The following ELP2 variants were observed in gnomAD, a reference collection of about 807,000 sequenced individuals.
ELP2 encodes the protein elongator acetyltransferase complex subunit 2, also known as elongator complex protein 2.
A neutral mutation model predicts 119.2 loss-of-function variants in ELP2; 90 were observed. The ratio of observed to expected loss-of-function variants is 0.75; its 90% CI spans 0.64 to 0.90. The LOEUF is 0.90. ELP2 is among the 40% of genes least tolerant of loss of function. The pLI is 0.00. For synonymous variants in ELP2, 339 were observed against 331.0 expected, an observed-to-expected ratio of 1.02 and a Z score of -0.26; for missense variants, 921 against 967.8, an observed-to-expected ratio of 0.95 and a Z score of 0.64.
intron 11 of ELP2, among the ~76,000 whole-genome samples, chr18:36,150,991 C>A (rs2090378843): frequency 6.6e-6 from 1 of 152,022 alleles, no homozygotes; most frequent in Admixed American, 6.5e-5. Flanking sequence ...AGGGTTGAGC[C>A]AAAGGACTCC....
intron 14 of ELP2, 108 bp from the exon 15 acceptor site, chr18:36,159,627 G>A: frequency 2.4e-6 from 2 of 833,076 alleles, no homozygotes; most frequent in Non-Finnish European, 4.1e-6. Context: ...GCTGTGAATT[G>A]CACCACTTTG....
intron 16 of ELP2, 114 bp downstream of exon 16, chr18:36,160,129 C>T: frequency 1.1e-6 from 1 of 930,448 alleles, no homozygotes; most frequent in Admixed American, 1.9e-5. Flanking sequence ...CCTTTTTCCT[C>T]CTCTTCTATA....
intron 20 of ELP2, 124 bp downstream of exon 20, chr18:36,170,320 T>C: frequency 1.5e-6 from 2 of 1,320,668 alleles, no homozygotes; most frequent in Admixed American, 4.2e-5. Flanking sequence ...TCTTTTTTTT[T>C]TTTTGTTTTG....
At chr18:36,160,117 T>A in intron 16 of ELP2, 102 bp downstream of exon 16, 1 of 1,101,858 alleles carries the variant, frequency 9.1e-7, no homozygotes, top group Non-Finnish European at 1.4e-6. Flanking sequence ...TCCTTCTACC[T>A]ACCTTTTTCC....
intron 9 of ELP2, 135 bp from the exon 10 acceptor site, chr18:36,145,813 T>C (rs996897489): frequency 1.2e-5 from 9 of 781,574 alleles, no homozygotes; most frequent in Non-Finnish European, 1.8e-5. Context: ...ATTTGTGGTG[T>C]TTGCAATTTT....
Position 36,142,809 on chromosome 18 carries a change from A to G in ELP2, c.656-17A>G, listed in dbSNP as rs780113759. 2.3e-5 allele frequency: 35 copies of G among 1,552,174 alleles called. No homozygotes were observed. Among genetic ancestry groups the G allele is most frequent in the Non-Finnish European group, 2.9e-5 (33 of 1,130,702 alleles). On this transcript the variant is annotated splice_polypyrimidine_tract_variant and intron_variant, in intron 7 of 21. Transcript: ENST00000358232. ...AATATAATGTTTTAAAATTAATACA[A>G]CTTATTTTTTAATTAGGTAGAGATC...
At chr18:36,169,380 G>T (rs2091007591) in intron 19 of ELP2, among the ~76,000 whole-genome samples, 1 of 130,098 alleles carries the variant, frequency 7.7e-6, no homozygotes, top group Non-Finnish European at 1.6e-5. Context: ...CTAGAAAGCT[G>T]ATAAGTTCTT....
intron 11 of ELP2, among the ~76,000 whole-genome samples, chr18:36,150,210 T>G (rs550841843): frequency 6.6e-6 from 1 of 152,294 alleles, no homozygotes; most frequent in East Asian, 1.9e-4. Context: ...AGCAGTTCTT[T>G]CTGGCATTAT....
chr18:36,153,159 G>A (rs2090456184), intron 11 of ELP2, among the ~76,000 whole-genome samples: 1 of 152,116 alleles, frequency 6.6e-6, no homozygotes, highest in African/African-American at 2.4e-5. Flanking sequence ...TTGAATTTTG[G>A]ATTGAATATT....
At chr18:36,131,113 G>A (rs1177744981) in intron 1 of ELP2, among the ~76,000 whole-genome samples, 1 of 152,182 alleles carries the variant, frequency 6.6e-6, no homozygotes, top group Non-Finnish European at 1.5e-5. Context: ...GTTTGAGGCT[G>A]CAGTGGACGG....
At chr18:36,161,150 A>G in intron 17 of ELP2, 146 bp downstream of exon 17, 1 of 689,044 alleles carries the variant, frequency 1.5e-6, no homozygotes, top group Admixed American at 2.2e-5. Context: ...AATTTCTCTT[A>G]CCCTTCTGTC....
At chr18:36,148,087 G>A (rs2090269567) in intron 11 of ELP2, among the ~76,000 whole-genome samples, 1 of 141,490 alleles carries the variant, frequency 7.1e-6, no homozygotes. Context: ...CCCTCTCATG[G>A]TCAGGTTTTT....
At chr18:36,150,728 C>G (rs1454450518) in intron 11 of ELP2, among the ~76,000 whole-genome samples, 3 of 152,150 alleles carry the variant, frequency 2.0e-5, no homozygotes, top group African/African-American at 7.2e-5. Context: ...GTTAATATTG[C>G]TTGAAGGTCA....
rs530055392 is a variant in ELP2 at position 36,148,980 on chromosome 18, A to G, written c.1125+2599A>G. On this transcript the variant is annotated intron_variant, in intron 11 of 21. Transcript: ENST00000358232. ...CACTCAGGTTTGCAGATTTCCTTCA[A>G]TCTTGTCAGGTTTCAGAAGGAGTAG... Among the ~76,000 whole-genome samples, 6 of 152,346 alleles carry G rather than the reference A, an allele frequency of 3.9e-5. No individual in the cohort carries two copies. The South Asian group carries it at 8.3e-4, about 21-fold the overall frequency.
Position 36,174,752 on chromosome 18 carries a change from TGAGATGGAGTCTTGC to T in ELP2, c.*112_*126del. Reference sequence around the variant, plus strand: ...TGAGTTTCTGGGTTTTTTTTTTTTTTGAGATGGAGTCTTGCTTTGTCACAACCTCCACCTCCCAGG... The same window carrying T: ...TGAGTTTCTGGGTTTTTTTTTTTTTTTTTGTCACAACCTCCACCTCCCAGG... On this transcript the variant is annotated 3_prime_UTR_variant, in exon 22 of 22. Transcript: ENST00000358232. 1 of 1,033,156 alleles carries T rather than the reference TGAGATGGAGTCTTGC, an allele frequency of 9.7e-7. No individual in the cohort carries two copies. The highest frequency in any genetic ancestry group is 1.4e-6 in the Non-Finnish European group (1 of 699,320). The allele number at this position is 1,033,156 out of a possible 1,614,324, so 64.0% of individuals were successfully genotyped here.
intron 17 of ELP2, among the ~76,000 whole-genome samples, chr18:36,162,837 A>G (rs1037955155): frequency 1.3e-5 from 2 of 152,228 alleles, no homozygotes; most frequent in African/African-American, 2.4e-5. Context: ...ATTTTTATCC[A>G]TATGAAAATA....
In ELP2 at chr18:36,149,471, G is replaced by GTTT. The variant is rs1457178336; in HGVS notation, c.1125+3094_1125+3096dup. Among the ~76,000 whole-genome samples, 179 of 66,904 alleles carry GTTT rather than the reference G, an allele frequency of 2.7e-3. 2 individuals carry two copies. The highest frequency in any genetic ancestry group is 7.2e-3 in the African/African-American group (166 of 22,946). 43.9% of individuals were successfully genotyped at this position (66,904 alleles called of 152,430 possible). On this transcript the variant is annotated intron_variant, in intron 11 of 21. Transcript: ENST00000358232. ...CAAGACTTAGAAACATAGTTGCAGG[G>GTTT]TTTTTTGTTTTGTTTTGTTTTTTTT...
At position 36,148,526 on chromosome 18, in the gene ELP2, C is replaced by T. The variant is rs755924357; in HGVS notation, c.1125+2145C>T. 2.6e-5 allele frequency among the ~76,000 whole-genome samples: 4 copies of T among 152,218 alleles called. No homozygotes were observed. In the East Asian group the frequency reaches 7.7e-4, roughly 29 times the overall value. ...TCAGAGAAAACCAGTGTACTTAACACCTCAGGCCATGGATCCCTCAGGCCA... is the reference window on the plus strand; with the variant it reads ...TCAGAGAAAACCAGTGTACTTAACATCTCAGGCCATGGATCCCTCAGGCCA... On this transcript the variant is annotated intron_variant, in intron 11 of 21. Transcript: ENST00000358232.
intron 3 of ELP2, among the ~76,000 whole-genome samples, chr18:36,137,770 T>G (rs1333632278): frequency 6.8e-6 from 1 of 146,880 alleles, no homozygotes; most frequent in Non-Finnish European, 1.5e-5. Flanking sequence ...AATAGAATGT[T>G]TATTCAATCC....
Sources: allele counts gnomAD v4.1 joint callset (sites outside exome capture counted in the v4.1 genomes callset), GRCh38; gene constraint gnomAD v4.1.1; transcripts MANE v1.5; gene names NCBI Gene and HGNC (gene_info 2026-07-23, HGNC 2026-07-21).